Variants in HMCN1 observed in about 807,000 individuals in gnomAD.
HMCN1 encodes hemicentin 1.
A neutral mutation model predicts 625.9 loss-of-function variants in HMCN1; 321 were observed. That is an observed-to-expected ratio of 0.51 (90% CI 0.47 to 0.56). The LOEUF is 0.56. HMCN1 is among the 20% of genes least tolerant of loss of function. HMCN1 has a pLI of 0.00. For missense variants in HMCN1, 6,588 were observed against 6,887.3 expected, an observed-to-expected ratio of 0.96 and a Z score of 1.54; for synonymous variants, 2,425 against 2,417.6, an observed-to-expected ratio of 1.00 and a Z score of -0.09.
chr1:186,031,641 T>C (rs74134293), intron 36 of HMCN1, among the ~76,000 whole-genome samples: 3,750 of 152,202 alleles, frequency 0.025, 153 homozygotes, highest in African/African-American at 0.085. Context: ...GTACTCCCAT[T>C]ATGTTTGATG....
chr1:186,010,204 T>A (rs191521481), intron 30 of HMCN1, among the ~76,000 whole-genome samples: 28 of 152,164 alleles, frequency 1.8e-4, no homozygotes, highest in South Asian at 6.2e-4. Flanking sequence ...TCTGTGTGTA[T>A]ATATGTGTGT....
intron 89 of HMCN1, among the ~76,000 whole-genome samples, chr1:186,143,041 T>C (rs1446909837): frequency 6.6e-6 from 1 of 152,246 alleles, no homozygotes; most frequent in East Asian, 1.9e-4. Flanking sequence ...TTAAAGCCTT[T>C]CTTCTTTCCT....
At chr1:185,903,977 C>G (rs186853087) in intron 4 of HMCN1, among the ~76,000 whole-genome samples, 2 of 151,724 alleles carry the variant, frequency 1.3e-5, no homozygotes, top group South Asian at 4.2e-4. Flanking sequence ...CTTTTCTGAG[C>G]CATTATATAT....
intron 96 of HMCN1, among the ~76,000 whole-genome samples, chr1:186,153,192 T>C (rs1276642914): frequency 6.6e-6 from 1 of 152,182 alleles, no homozygotes; most frequent in African/African-American, 2.4e-5. Context: ...TTTCAGAAAT[T>C]AAAGGATAAC....
At chr1:186,097,715 A>G (rs987336356) in intron 68 of HMCN1, among the ~76,000 whole-genome samples, 1 of 152,112 alleles carries the variant, frequency 6.6e-6, no homozygotes. Flanking sequence ...TAAAATTTGT[A>G]TGGAACCACA....
chr1:186,153,227 AT>A (rs1650783489), intron 96 of HMCN1, among the ~76,000 whole-genome samples: 1 of 152,200 alleles, frequency 6.6e-6, no homozygotes, highest in African/African-American at 2.4e-5. Context: ...ATCTTTGTTT[AT>A]TCATGACCTA....
At chr1:185,982,730 C>A (rs909449924) in intron 18 of HMCN1, among the ~76,000 whole-genome samples, 1 of 152,030 alleles carries the variant, frequency 6.6e-6, no homozygotes, top group Admixed American at 6.6e-5. Flanking sequence ...TGTGAACCAC[C>A]ACACCTGGCC....
At chr1:186,175,876 C>CAAAAAAAAAAAAAAAA (rs758445916) in intron 103 of HMCN1, among the ~76,000 whole-genome samples, 3 of 76,192 alleles carry the variant, frequency 3.9e-5, no homozygotes, top group African/African-American at 9.8e-5. Context: ...AACTATGTCT[C>CAAAAAAAAAAAAAAAA]AAAAAAAAAA....
intron 97 of HMCN1, among the ~76,000 whole-genome samples, chr1:186,164,178 A>T (rs1177493214): frequency 6.6e-6 from 1 of 151,888 alleles, no homozygotes; most frequent in East Asian, 1.9e-4. Flanking sequence ...TGCTTTCAGG[A>T]AAGAGGTTTC....
intron 1 of HMCN1, among the ~76,000 whole-genome samples, chr1:185,769,513 AT>A (rs1417410400): frequency 3.9e-5 from 6 of 152,136 alleles, no homozygotes; most frequent in Admixed American, 1.3e-4. Flanking sequence ...GATGAGAAAT[AT>A]TTTGCCTATC....
At position 186,093,185 on chromosome 1, in the gene HMCN1, C is replaced by G; in HGVS notation, c.9939C>G (p.Asp3313Glu). The change falls in exon 65 of 107, where the codon GAC (aspartate) becomes GAG (glutamate). Residue 3313 changes from aspartate to glutamate, a missense_variant. Asp to Glu is a conservative substitution (Grantham distance 45). Coordinates refer to ENST00000271588, the MANE Select transcript of HMCN1 (RefSeq NM_031935.3). ...ACATTTATGGAGCTCTTACATCTGA[C>G]ACGGGGAAATACACATGTGTTGCTA... ...TLNIYGALTS[D>E]TGKYTCVATN... is the part of the protein sequence containing the mutation. 2 of 1,613,306 alleles carry G rather than the reference C, an allele frequency of 1.2e-6. No homozygotes were observed. Among genetic ancestry groups the G allele is most frequent in the Non-Finnish European group, 1.7e-6 (2 of 1,179,556 alleles).
At chr1:185,755,723 G>C (rs1363148375) in intron 1 of HMCN1, among the ~76,000 whole-genome samples, 1 of 152,198 alleles carries the variant, frequency 6.6e-6, no homozygotes, top group African/African-American at 2.4e-5. Flanking sequence ...AGCCATACCT[G>C]ATGAGAGTGA....
chr1:186,003,868 T>TG (rs1653364149), intron 29 of HMCN1, 24 bp downstream of exon 29: 1 of 1,611,090 alleles, frequency 6.2e-7, no homozygotes, highest in South Asian at 1.1e-5. Flanking sequence ...CTGTATTTGT[T>TG]GCAAGGTTTC....
intron 104 of HMCN1, among the ~76,000 whole-genome samples, chr1:186,181,469 G>A (rs1298252388): frequency 6.6e-6 from 1 of 151,994 alleles, no homozygotes; most frequent in East Asian, 1.9e-4. Context: ...TACTGTATAT[G>A]AACCTTTCAA....
At chr1:186,185,107 G>A (rs1653197570) in intron 105 of HMCN1, among the ~76,000 whole-genome samples, 1 of 152,034 alleles carries the variant, frequency 6.6e-6, no homozygotes, top group Admixed American at 6.6e-5. Flanking sequence ...ATTAGATTCT[G>A]ATATTTCTTT....
chr1:186,076,609 A>G lies in HMCN1; in HGVS notation c.8472A>G (p.Val2824=). 2 of 1,613,332 alleles carry G rather than the reference A, an allele frequency of 1.2e-6. No individual in the cohort carries two copies. Among genetic ancestry groups the G allele is most frequent in the Non-Finnish European group, 1.7e-6 (2 of 1,179,690 alleles). ...DGHPLTSSDK[V]LILPGGRVLQ... ...ACCCTCTGACCTCAAGTGATAAAGT[A>G]TTGATTTTGCCAGGTAAAGATTGAT... Residue 2824 remains valine, a synonymous_variant, in exon 54 of 107, where the codon GTA becomes GTG. Coordinates refer to ENST00000271588, the MANE Select transcript of HMCN1 (RefSeq NM_031935.3).
intron 41 of HMCN1, among the ~76,000 whole-genome samples, chr1:186,048,463 C>G (rs953048885): frequency 6.6e-6 from 1 of 151,796 alleles, no homozygotes; most frequent in African/African-American, 2.4e-5. Flanking sequence ...GAAATTGTAC[C>G]TTTTCGTTTT....
intron 1 of HMCN1, among the ~76,000 whole-genome samples, chr1:185,781,055 C>T (rs535695845): frequency 5.6e-4 from 85 of 152,282 alleles, no homozygotes; most frequent in African/African-American, 1.9e-3. Context: ...AGAGATTCAA[C>T]TTCTTCCTGG....
Position 185,953,404 on chromosome 1 carries a change from A to AG in HMCN1, c.1829-9110dup, listed in dbSNP as rs547952936. ...GGCGTCCCTGCAATGATTAAACACC[A>AG]GGGGAAGTCTGCCTTCCCAGTCCAT... On this transcript the variant is annotated intron_variant, in intron 11 of 106. Transcript: ENST00000271588. Among the ~76,000 whole-genome samples, 59 of 152,022 alleles carry AG rather than the reference A, an allele frequency of 3.9e-4. 1 individual carries two copies. In the South Asian group the frequency reaches 0.012, roughly 31 times the overall value.
Sources: allele counts gnomAD v4.1 joint callset (sites outside exome capture counted in the v4.1 genomes callset), GRCh38; gene constraint gnomAD v4.1.1; transcripts MANE v1.5; gene names NCBI Gene and HGNC (gene_info 2026-07-23, HGNC 2026-07-21).